The following PCSK2 variants were observed in gnomAD, a reference collection of about 807,000 sequenced individuals.
The protein encoded by PCSK2 is proprotein convertase subtilisin/kexin type 2.
PCSK2 carries 14 observed loss-of-function variants against 69.7 expected under a neutral mutation model. The ratio of observed to expected loss-of-function variants is 0.20; its 90% CI spans 0.13 to 0.31. PCSK2 has a LOEUF of 0.31. PCSK2 is among the 10% of genes least tolerant of loss of function. PCSK2 has a pLI of 1.00. For synonymous variants in PCSK2, 307 were observed against 320.7 expected (o/e 0.96, Z 0.46); for missense variants, 544 against 842.5 (o/e 0.65, Z 4.39).
chr20:17,238,779 A>T (rs1272792194), intron 1 of PCSK2, among the ~76,000 whole-genome samples: 1 of 152,148 alleles, frequency 6.6e-6, no homozygotes, highest in East Asian at 1.9e-4. Flanking sequence ...TGATTTTCCA[A>T]ACAAAGCTAT....
At chr20:17,360,710 T>C (rs1479940142) in intron 4 of PCSK2, 70 bp downstream of exon 4, 11 of 928,350 alleles carry the variant, frequency 1.2e-5, no homozygotes, top group Non-Finnish European at 1.9e-5. Flanking sequence ...ATAAAAGTTG[T>C]ATTGTTTTGG....
chr20:17,384,617 C>T (rs1369614097), intron 5 of PCSK2, among the ~76,000 whole-genome samples: 1 of 151,498 alleles, frequency 6.6e-6, no homozygotes, highest in Non-Finnish European at 1.5e-5. Context: ...AATCAATCAA[C>T]AATTTGAGTC....
intron 4 of PCSK2, among the ~76,000 whole-genome samples, chr20:17,365,711 C>T (rs758565007): frequency 1.3e-5 from 2 of 152,194 alleles, no homozygotes; most frequent in Admixed American, 6.5e-5. Context: ...AACATACATT[C>T]CCATTCCCAA....
In PCSK2 at chr20:17,425,610, T is replaced by C. The variant is rs2032231315; in HGVS notation, c.621-3825T>C. On this transcript the variant is annotated intron_variant, in intron 6 of 11. Coordinates refer to ENST00000262545, the MANE Select transcript of PCSK2 (RefSeq NM_002594.5). ...AATGTGCTAGTTCATGTTATCCTAG[T>C]AGCTGTAACAAATAAATCTTGGCCC... 3.3e-5 allele frequency among the ~76,000 whole-genome samples: 5 copies of C among 152,354 alleles called. No homozygotes were observed. In the East Asian group the frequency reaches 7.7e-4, roughly 24 times the overall value.
intron 2 of PCSK2, among the ~76,000 whole-genome samples, chr20:17,348,055 GAAAGAAAGAAAGAAAGAAA>G (rs1990739321): frequency 9.3e-5 from 4 of 43,120 alleles, no homozygotes; most frequent in Admixed American, 3.6e-4. Flanking sequence ...AGAAAGGAAA[GAAAGAAAGAAAGAAAGAAA>G]GAAAGAAAGA....
chr20:17,313,726 T>A (rs573835692), intron 2 of PCSK2, among the ~76,000 whole-genome samples: 1 of 152,034 alleles, frequency 6.6e-6, no homozygotes, highest in Non-Finnish European at 1.5e-5. Flanking sequence ...ATTTACAAGG[T>A]TTTTCTCTGC....
chr20:17,399,182 CT>C (rs1377994330), intron 5 of PCSK2, among the ~76,000 whole-genome samples: 1 of 152,212 alleles, frequency 6.6e-6, no homozygotes, highest in African/African-American at 2.4e-5. Context: ...GACAGATCAT[CT>C]TTTCCATCAC....
chr20:17,474,707 G>A (rs534964324), intron 11 of PCSK2, among the ~76,000 whole-genome samples: 109 of 152,214 alleles, frequency 7.2e-4, no homozygotes, highest in African/African-American at 2.4e-3. Context: ...TTGTTGTTCT[G>A]CCAGTGAGGC....
At chr20:17,465,087 T>A (rs2033077327) in intron 10 of PCSK2, 1 of 553,738 alleles carries the variant, frequency 1.8e-6, no homozygotes. Flanking sequence ...TGTGTTAGAA[T>A]AGACTTTTGA....
chr20:17,250,874 C>A (rs956725866), intron 1 of PCSK2, among the ~76,000 whole-genome samples: 4 of 152,142 alleles, frequency 2.6e-5, no homozygotes, highest in Admixed American at 2.6e-4. Context: ...TCAAGGCGGG[C>A]AGATCACTTG....
chr20:17,255,607 C>T (rs931952870), intron 1 of PCSK2, among the ~76,000 whole-genome samples: 4 of 152,218 alleles, frequency 2.6e-5, no homozygotes, highest in African/African-American at 9.6e-5. Flanking sequence ...TCCCAAAGTG[C>T]TGGGATTACA....
At chr20:17,378,644 A>ATGAATGG (rs1568625176) in intron 5 of PCSK2, among the ~76,000 whole-genome samples, 1 of 80,400 alleles carries the variant, frequency 1.2e-5, no homozygotes, top group African/African-American at 5.8e-5. Context: ...TGGATGGATG[A>ATGAATGG]ATGGATGGAT....
intron 2 of PCSK2, among the ~76,000 whole-genome samples, chr20:17,275,540 T>C (rs1236921701): frequency 6.6e-6 from 1 of 152,188 alleles, no homozygotes; most frequent in Non-Finnish European, 1.5e-5. Context: ...TTCATAGAGA[T>C]TCAGGCTAGA....
chr20:17,278,906 C>T (rs953183345), intron 2 of PCSK2, among the ~76,000 whole-genome samples: 2 of 151,792 alleles, frequency 1.3e-5, no homozygotes, highest in Non-Finnish European at 2.9e-5. Flanking sequence ...TTTTCCCCTA[C>T]ATTGTCTAAT....
chr20:17,289,692 G>A (rs1988632113), intron 2 of PCSK2, among the ~76,000 whole-genome samples: 1 of 151,858 alleles, frequency 6.6e-6, no homozygotes, highest in Non-Finnish European at 1.5e-5. Context: ...TATCTTTTCA[G>A]TGTTTTGTCT....
At chr20:17,381,871 C>G (rs920936763) in intron 5 of PCSK2, among the ~76,000 whole-genome samples, 1 of 151,892 alleles carries the variant, frequency 6.6e-6, no homozygotes, top group Non-Finnish European at 1.5e-5. Flanking sequence ...TGTGTAGAGG[C>G]CTGTGTGGTG....
At chr20:17,282,874 G>A (rs921929734) in intron 2 of PCSK2, among the ~76,000 whole-genome samples, 1 of 152,138 alleles carries the variant, frequency 6.6e-6, no homozygotes, top group Non-Finnish European at 1.5e-5. Context: ...TTGTAGATAA[G>A]CTGGCAGGAT....
At chr20:17,294,262 G>A (rs1318228579) in intron 2 of PCSK2, among the ~76,000 whole-genome samples, 4 of 144,140 alleles carry the variant, frequency 2.8e-5, no homozygotes, top group Admixed American at 6.8e-5. Flanking sequence ...CCGCCACCGC[G>A]CCCGGCTAAT....
intron 2 of PCSK2, among the ~76,000 whole-genome samples, chr20:17,316,361 A>T (rs919491276): frequency 6.6e-6 from 1 of 152,190 alleles, no homozygotes; most frequent in Admixed American, 6.5e-5. Context: ...ATGTCTGTGT[A>T]TGTATGAATA....
Sources: allele counts gnomAD v4.1 joint callset (sites outside exome capture counted in the v4.1 genomes callset), GRCh38; gene constraint gnomAD v4.1.1; transcripts MANE v1.5; gene names NCBI Gene and HGNC (gene_info 2026-07-23, HGNC 2026-07-21).